The following SESN1 variants were observed in gnomAD, a reference collection of about 807,000 sequenced individuals.
SESN1 encodes the protein sestrin 1, also known as sestrin-1.
A neutral mutation model predicts 59.3 loss-of-function variants in SESN1; 30 were observed. That is an observed-to-expected ratio of 0.51 (90% CI 0.38 to 0.69). The LOEUF is 0.69. SESN1 is among the 30% of genes least tolerant of loss of function. The pLI, the probability that SESN1 is intolerant of heterozygous loss-of-function variation, is 0.00. For synonymous variants in SESN1, 197 were observed against 219.9 expected, an observed-to-expected ratio of 0.90 and a Z score of 0.92; for missense variants, 566 against 673.0, an observed-to-expected ratio of 0.84 and a Z score of 1.76.
chr6:109,021,066 T>A (rs558816902), intron 1 of SESN1, among the ~76,000 whole-genome samples: 1 of 152,298 alleles, frequency 6.6e-6, no homozygotes, highest in African/African-American at 2.4e-5. Flanking sequence ...TGATCATGGC[T>A]CACAGCAGCC....
In SESN1 at chr6:108,989,285, G is replaced by A. The variant is rs201552451; in HGVS notation, c.1425-598C>T. 2.6e-5 allele frequency among the ~76,000 whole-genome samples: 4 copies of A among 152,258 alleles called. No individual in the cohort carries two copies. In the East Asian group the frequency reaches 7.7e-4, roughly 29 times the overall value. ...CCCAAAGTGCTGGGATTATGGGCGTGAGCCACCGCGCCTGGCTGAACAAAT... is the reference window on the plus strand; with the variant it reads ...CCCAAAGTGCTGGGATTATGGGCGTAAGCCACCGCGCCTGGCTGAACAAAT... On this transcript the variant is annotated intron_variant, in intron 8 of 9. Coordinates refer to ENST00000436639, the MANE Select transcript of SESN1 (RefSeq NM_014454.3).
At chr6:109,066,308 GTTTC>G (rs1047322180) in intron 1 of SESN1, among the ~76,000 whole-genome samples, 25 of 147,980 alleles carry the variant, frequency 1.7e-4, no homozygotes, top group Admixed American at 8.7e-4. Context: ...AAGGTTTGCT[GTTTC>G]TTTTTTTTTT....
chr6:109,035,966 T>C (rs1316770695), intron 1 of SESN1, among the ~76,000 whole-genome samples: 2 of 152,178 alleles, frequency 1.3e-5, no homozygotes, highest in East Asian at 1.9e-4. Context: ...TCCCAGAGCA[T>C]AGTAATTGCC....
intron 1 of SESN1, among the ~76,000 whole-genome samples, chr6:109,033,386 A>G (rs1780211123): frequency 6.6e-6 from 1 of 152,186 alleles, no homozygotes; most frequent in African/African-American, 2.4e-5. Context: ...CTAACTTTAT[A>G]CCCAAACAAA....
At chr6:109,052,538 CACTT>C (rs924664594) in intron 1 of SESN1, among the ~76,000 whole-genome samples, 3 of 152,080 alleles carry the variant, frequency 2.0e-5, no homozygotes, top group Non-Finnish European at 1.5e-5. Flanking sequence ...CTTCAATGTT[CACTT>C]AAAGTTTTAA....
Position 108,994,453 on chromosome 6 carries a change from T to G in SESN1, c.1120+9A>C, listed in dbSNP as rs770159930. The G allele has an allele frequency of 6.2e-7, 1 of 1,606,394 alleles. No homozygotes were observed. Among genetic ancestry groups the G allele is most frequent in the Non-Finnish European group, 8.5e-7 (1 of 1,176,094 alleles). The stretch of plus-strand genomic sequence containing the variant: ...ATAATTATATTGACTATATAATGGT[T>G]GTTCTTACCTGAAGAGAAGACAAAC... On this transcript the variant is annotated intron_variant, in intron 6 of 9. Transcript: ENST00000436639.
chr6:109,029,087 C>T (rs79465564), intron 1 of SESN1, among the ~76,000 whole-genome samples: 13,985 of 152,202 alleles, frequency 0.092, 869 homozygotes, highest in Middle Eastern at 0.19. Flanking sequence ...TACTTTTCTA[C>T]CTTCTCTTCT....
intron 1 of SESN1, among the ~76,000 whole-genome samples, chr6:109,010,680 C>T (rs1455916909): frequency 6.6e-6 from 1 of 152,184 alleles, no homozygotes; most frequent in Non-Finnish European, 1.5e-5. Flanking sequence ...TATATGTTCT[C>T]TATACTGCTT....
At chr6:108,993,156 T>C (rs1779425288) in intron 6 of SESN1, 1 of 355,694 alleles carries the variant, frequency 2.8e-6, no homozygotes. Context: ...ATCCTTTCTC[T>C]CTCCTCCCAT....
In SESN1 at chr6:109,094,219, C is replaced by T; in HGVS notation, c.-146G>A. On this transcript the variant is annotated 5_prime_UTR_variant, in exon 1 of 10. Coordinates refer to ENST00000436639, the MANE Select transcript of SESN1 (RefSeq NM_014454.3). ...CACACATCTGGGTGACATTTGGAACCACTGGTGCCTTCAGCCGATCTACAA... is the reference window on the plus strand; with the variant it reads ...CACACATCTGGGTGACATTTGGAACTACTGGTGCCTTCAGCCGATCTACAA... 4.7e-6 allele frequency: 4 copies of T among 845,818 alleles called. No homozygotes were observed. The South Asian group carries it at 7.1e-5, about 15-fold the overall frequency. The allele number at this position is 845,818 out of a possible 1,614,324, so 52.4% of individuals were successfully genotyped here.
At chr6:109,001,111 T>C (rs897331872) in intron 3 of SESN1, among the ~76,000 whole-genome samples, 177 bp downstream of exon 3, 1 of 152,222 alleles carries the variant, frequency 6.6e-6, no homozygotes, top group African/African-American at 2.4e-5. Flanking sequence ...CTTGCTTCTT[T>C]TTCTGTTATA....
intron 1 of SESN1, among the ~76,000 whole-genome samples, chr6:109,038,880 A>G (rs1780287232): frequency 6.6e-6 from 1 of 151,600 alleles, no homozygotes; most frequent in Non-Finnish European, 1.5e-5. Context: ...GAAGAAATGA[A>G]GAGGAAAAGA....
chr6:109,009,041 C>T (rs1418678287), intron 1 of SESN1: 2 of 981,278 alleles, frequency 2.0e-6, no homozygotes, highest in African/African-American at 3.4e-5. Flanking sequence ...CTTGTCCAGA[C>T]GACAATGTTA....
intron 1 of SESN1, among the ~76,000 whole-genome samples, chr6:109,068,605 G>A (rs1583294551): frequency 6.6e-6 from 1 of 151,846 alleles, no homozygotes; most frequent in South Asian, 2.1e-4. Context: ...TATAATAGAG[G>A]AGAAGTAACA....
At chr6:108,994,838 G>A (rs2114281308) in intron 5 of SESN1, among the ~76,000 whole-genome samples, 1 of 152,032 alleles carries the variant, frequency 6.6e-6, no homozygotes, top group South Asian at 2.1e-4. Flanking sequence ...GAGTAGCTGG[G>A]ACTACAGGTG....
At chr6:109,079,209 A>G (rs1359863857) in intron 1 of SESN1, among the ~76,000 whole-genome samples, 1 of 145,990 alleles carries the variant, frequency 6.8e-6, no homozygotes, top group Non-Finnish European at 1.5e-5. Flanking sequence ...AAAAAAAAAG[A>G]AACAAAAGGG....
chr6:109,062,456 T>C (rs2050310), intron 1 of SESN1, among the ~76,000 whole-genome samples: 39,661 of 152,134 alleles, frequency 0.26, 6,009 homozygotes, highest in Non-Finnish European at 0.35. Flanking sequence ...GACTATTCAA[T>C]TTGGCTTACT....
Position 109,094,028 on chromosome 6 carries a change from T to A in SESN1, c.46A>T (p.Arg16Ter), listed in dbSNP as rs1223076979. 23 of 1,614,108 alleles carry A rather than the reference T, an allele frequency of 1.4e-5. No individual in the cohort carries two copies. The highest frequency in any genetic ancestry group is 1.9e-5 in the Non-Finnish European group (23 of 1,180,054). ...NEVRWDGLCSRDSTTRETALE... is the reference protein window; with the variant it reads ...NEVRWDGLCS Reference sequence around the variant, plus strand: ...GCTGTCTCCCTAGTAGTTGAATCTCTGCTGCAGAGTCCATCCCATCTCACT... The same window carrying A: ...GCTGTCTCCCTAGTAGTTGAATCTCAGCTGCAGAGTCCATCCCATCTCACT... Residue 16 changes from arginine to a stop codon, truncating the protein, a stop_gained, in exon 1 of 10, where the codon AGA becomes TGA. Coordinates refer to ENST00000436639, the MANE Select transcript of SESN1 (RefSeq NM_014454.3). LOFTEE classifies it high-confidence loss of function.
chr6:109,087,279 T>C (rs1781228627), intron 1 of SESN1, among the ~76,000 whole-genome samples: 1 of 152,084 alleles, frequency 6.6e-6, no homozygotes, highest in African/African-American at 2.4e-5. Flanking sequence ...TGAGTATAGA[T>C]AGTACAGATA....
Sources: gnomAD v4.1 joint callset for allele counts (sites outside exome capture counted in the v4.1 genomes callset) on GRCh38, gnomAD v4.1.1 for gene constraint, MANE v1.5 for transcripts, NCBI Gene and HGNC (gene_info 2026-07-23, HGNC 2026-07-21) for gene names.